The following KLF12 variants were observed in gnomAD, a reference collection of about 807,000 sequenced individuals.
KLF12 encodes the protein KLF transcription factor 12, also known as Krueppel-like factor 12.
Under a neutral mutation model 37.8 loss-of-function variants are expected in KLF12, and 9 were observed. The ratio of observed to expected loss-of-function variants is 0.24; its 90% CI spans 0.14 to 0.42. The LOEUF (loss-of-function observed/expected upper bound fraction) is 0.42, where lower values mean the gene tolerates loss of function less well. Among genes scored for constraint, KLF12 ranks in the 10% least tolerant of loss-of-function variants. The probability of loss-of-function intolerance (pLI) is 1.00; values close to 1 mark genes in which losing one functional copy is unlikely to be tolerated. For synonymous variants in KLF12, 208 were observed against 202.1 expected (o/e 1.03, Z -0.25); for missense variants, 411 against 516.0 (o/e 0.80, Z 1.97).
chr13:74,057,378 C>A (rs751058339), intron 1 of KLF12, among the ~76,000 whole-genome samples: 1 of 152,184 alleles, frequency 6.6e-6, no homozygotes, highest in Non-Finnish European at 1.5e-5. Context: ...CGAGAGGGAA[C>A]TGTGACCTCC....
intron 4 of KLF12, among the ~76,000 whole-genome samples, chr13:73,826,117 C>T (rs569322446): frequency 3.2e-4 from 49 of 152,048 alleles, no homozygotes; most frequent in African/African-American, 1.1e-3. Context: ...GGACTACAGG[C>T]GCCCGCCACC....
chr13:73,816,072 C>A (rs1157243339), intron 4 of KLF12, among the ~76,000 whole-genome samples: 2 of 152,190 alleles, frequency 1.3e-5, no homozygotes, highest in South Asian at 4.1e-4. Flanking sequence ...TTTACCCATA[C>A]CTTCAGCCAA....
chr13:73,746,419 T>G (rs1314080410), intron 6 of KLF12, among the ~76,000 whole-genome samples: 3 of 152,192 alleles, frequency 2.0e-5, no homozygotes, highest in Admixed American at 1.3e-4. Context: ...CAACATAACT[T>G]TACTAACTCA....
At chr13:73,974,310 C>CAA (rs61516158) in intron 2 of KLF12, among the ~76,000 whole-genome samples, 3,300 of 146,240 alleles carry the variant, frequency 0.023, 57 homozygotes, top group African/African-American at 0.039. Context: ...AACTTCAAGA[C>CAA]AAAAAAAAAA....
At chr13:73,704,826 C>T (rs1009586673) in intron 7 of KLF12, among the ~76,000 whole-genome samples, 10 of 152,246 alleles carry the variant, frequency 6.6e-5, no homozygotes, top group Non-Finnish European at 1.5e-4. Flanking sequence ...CACTGTATCC[C>T]CAGGGCCTAA....
At chr13:73,785,727 G>A (rs999238274) in intron 5 of KLF12, among the ~76,000 whole-genome samples, 3 of 151,918 alleles carry the variant, frequency 2.0e-5, no homozygotes, top group Admixed American at 6.6e-5. Flanking sequence ...ATGCTCTGAG[G>A]TATCTTCACT....
At chr13:73,732,583 C>T (rs934559506) in intron 6 of KLF12, among the ~76,000 whole-genome samples, 1 of 152,156 alleles carries the variant, frequency 6.6e-6, no homozygotes, top group African/African-American at 2.4e-5. Context: ...TCTCACATCA[C>T]ACATCTGCAT....
intron 1 of KLF12, among the ~76,000 whole-genome samples, chr13:74,011,277 G>A (rs1197208830): frequency 6.7e-6 from 1 of 150,296 alleles, no homozygotes; most frequent in Non-Finnish European, 1.5e-5. Context: ...TTATGAATTG[G>A]AACAGTATAA....
At chr13:73,831,487 T>C (rs547294454) in intron 4 of KLF12, among the ~76,000 whole-genome samples, 1 of 152,314 alleles carries the variant, frequency 6.6e-6, no homozygotes, top group African/African-American at 2.4e-5. Context: ...GCTACCTTTT[T>C]CAAATGGACT....
the KLF12 span, chr13:74,231,419 T>C: frequency 6.6e-6 from 1 of 152,292 alleles, no homozygotes; most frequent in East Asian, 1.9e-4. Context: ...AAAACTATTA[T>C]CTAGAGAGGT....
intron 1 of KLF12, among the ~76,000 whole-genome samples, chr13:74,041,922 A>G (rs1893415399): frequency 6.6e-6 from 1 of 152,150 alleles, no homozygotes; most frequent in African/African-American, 2.4e-5. Context: ...TAAACATCTA[A>G]AAAATATAAG....
chr13:73,958,123 T>C (rs943284340), intron 2 of KLF12, among the ~76,000 whole-genome samples: 3 of 152,208 alleles, frequency 2.0e-5, no homozygotes, highest in African/African-American at 7.2e-5. Context: ...TTTAGATGTA[T>C]GCAAAAAGCA....
chr13:73,700,738 A>C (rs1040906361), intron 7 of KLF12, among the ~76,000 whole-genome samples: 3 of 152,122 alleles, frequency 2.0e-5, no homozygotes, highest in South Asian at 4.2e-4. Context: ...TTTCATTAAA[A>C]AAAACAAAAC....
At chr13:74,212,010 C>G in the KLF12 span, among the ~76,000 whole-genome samples, 1 of 152,146 alleles carries the variant, frequency 6.6e-6, no homozygotes, top group East Asian at 1.9e-4. Context: ...TAATGCATGA[C>G]ATATGGTTTA....
chr13:73,965,033 C>T (rs1485638915), intron 2 of KLF12, among the ~76,000 whole-genome samples: 1 of 152,054 alleles, frequency 6.6e-6, no homozygotes, highest in Admixed American at 6.5e-5. Flanking sequence ...TTTAGCTTGG[C>T]CTTGGCAGGC....
chr13:74,151,859 G>A, the KLF12 span, among the ~76,000 whole-genome samples: 9 of 152,246 alleles, frequency 5.9e-5, no homozygotes, highest in Admixed American at 4.6e-4. Context: ...AAGTGCTGGT[G>A]AAAGTAACCA....
intron 5 of KLF12, among the ~76,000 whole-genome samples, chr13:73,812,678 A>G (rs1193593870): frequency 6.6e-6 from 1 of 152,170 alleles, no homozygotes; most frequent in Non-Finnish European, 1.5e-5. Flanking sequence ...AGGACAGAGA[A>G]AAGATTCATT....
Position 73,817,500 on chromosome 13 carries a change from A to C in KLF12, c.671-4213T>G, listed in dbSNP as rs150491199. 9.0e-4 allele frequency among the ~76,000 whole-genome samples: 137 copies of C among 152,316 alleles called. 1 individual carries two copies. Among genetic ancestry groups the C allele is most frequent in the African/African-American group, 3.2e-3 (134 of 41,562 alleles). ...CCTAGCAATGATGGAGATGAACTAC[A>C]ACTACAATTACAGTCAGCCTACAAC... is the stretch of plus-strand genomic sequence containing the variant. On this transcript the variant is annotated intron_variant, in intron 4 of 7. Transcript: ENST00000377669.
At chr13:74,060,216 T>G (rs1034887875) in intron 1 of KLF12, among the ~76,000 whole-genome samples, 3 of 152,202 alleles carry the variant, frequency 2.0e-5, no homozygotes, top group African/African-American at 7.2e-5. Flanking sequence ...TTGCTCTTTT[T>G]GGTTAGGATT....
Sources: gnomAD v4.1 joint callset for allele counts (sites outside exome capture counted in the v4.1 genomes callset) on GRCh38, gnomAD v4.1.1 for gene constraint, MANE v1.5 for transcripts, NCBI Gene and HGNC (gene_info 2026-07-23, HGNC 2026-07-21) for gene names.